Variants in EFHC1 observed in about 807,000 individuals in gnomAD.
EFHC1 encodes the protein EF-hand domain-containing protein 1.
Under a neutral mutation model 69.9 loss-of-function variants are expected in EFHC1, and 53 were observed. The observed-to-expected ratio is 0.76, with a 90% CI of 0.61 to 0.95. The LOEUF (loss-of-function observed/expected upper bound fraction) is 0.95, where lower values mean the gene tolerates loss of function less well. Among genes scored for constraint, EFHC1 ranks in the 40% least tolerant of loss-of-function variants. EFHC1 has a pLI of 0.00. For missense variants in EFHC1, 739 were observed against 798.7 expected (o/e 0.93, Z 0.90); for synonymous variants, 256 against 278.4 (o/e 0.92, Z 0.80).
chr6:52,487,499 G>A (rs1039469889), intron 9 of EFHC1: 10 of 152,196 alleles, frequency 6.6e-5, no homozygotes, highest in Non-Finnish European at 1.2e-4. Context: ...TTTTCAACAT[G>A]TCTTTGTCCA....
chr6:52,486,998 G>A (rs1441242996), intron 9 of EFHC1: 3 of 151,896 alleles, frequency 2.0e-5, no homozygotes, highest in Admixed American at 1.3e-4. Flanking sequence ...ATAATCTAGA[G>A]CAAGGGTTGG....
At chr6:52,424,755 C>T (rs1296157358) in intron 2 of EFHC1, among the ~76,000 whole-genome samples, 1 of 152,154 alleles carries the variant, frequency 6.6e-6, no homozygotes, top group African/African-American at 2.4e-5. Flanking sequence ...TCTTGTTTTT[C>T]CTTGTCAATG....
At chr6:52,486,517 T>A (rs947598740) in intron 9 of EFHC1, 4 of 152,236 alleles carry the variant, frequency 2.6e-5, no homozygotes, top group Admixed American at 2.0e-4. Flanking sequence ...AATTATCTTT[T>A]TAATCCTTTT....
At chr6:52,443,373 C>G (rs1402140295) in intron 3 of EFHC1, among the ~76,000 whole-genome samples, 3 of 152,138 alleles carry the variant, frequency 2.0e-5, no homozygotes, top group Admixed American at 2.0e-4. Flanking sequence ...ATGCCTATGT[C>G]CTGAATGGTA....
In EFHC1 at chr6:52,479,683, T is replaced by G. The variant is rs775581363; in HGVS notation, c.1536T>G (p.Val512=). ...TCATCCTTGATACAGACGAGTATGT[T>G]TTGAAATACATGGAGAGCAACGCTG... The part of the protein sequence containing the change: ...RFIILDTDEY[V]LKYMESNAAQ... Residue 512 remains valine, a synonymous_variant, in exon 9 of 11, where the codon GTT becomes GTG. Transcript: ENST00000371068. The G allele has an allele frequency of 1.2e-5, 20 of 1,614,078 alleles. No homozygotes were observed. Among genetic ancestry groups the G allele is most frequent in the Non-Finnish European group, 1.7e-5 (20 of 1,180,044 alleles).
chr6:52,449,293 A>G (rs1271725134), intron 3 of EFHC1, among the ~76,000 whole-genome samples: 1 of 151,788 alleles, frequency 6.6e-6, no homozygotes, highest in Non-Finnish European at 1.5e-5. Context: ...AGGCAGGAGA[A>G]TGGCGTGAAC....
At chr6:52,459,094 G>A (rs180778721) in intron 5 of EFHC1, among the ~76,000 whole-genome samples, 4 of 152,120 alleles carry the variant, frequency 2.6e-5, no homozygotes, top group African/African-American at 9.7e-5. Flanking sequence ...GAGGGACAAG[G>A]GTTGAAGAAC....
chr6:52,468,064 A>G (rs776633720), intron 6 of EFHC1, among the ~76,000 whole-genome samples: 11 of 152,336 alleles, frequency 7.2e-5, no homozygotes, highest in Admixed American at 3.9e-4. Flanking sequence ...AGTAAACATA[A>G]ATGCAATAGC....
At chr6:52,426,633 G>C (rs1764307380) in intron 2 of EFHC1, among the ~76,000 whole-genome samples, 1 of 152,078 alleles carries the variant, frequency 6.6e-6, no homozygotes, top group South Asian at 2.1e-4. Flanking sequence ...TGAACTGTTG[G>C]TACCTCAAGT....
At chr6:52,438,696 C>T in intron 3 of EFHC1, 105 bp downstream of exon 3, 3 of 1,255,742 alleles carry the variant, frequency 2.4e-6, no homozygotes, top group South Asian at 2.5e-5. Context: ...GGTAATCTGT[C>T]CTGCATGAAT....
chr6:52,450,626 C>A (rs1764894408), intron 3 of EFHC1, among the ~76,000 whole-genome samples: 1 of 151,840 alleles, frequency 6.6e-6, no homozygotes, highest in Non-Finnish European at 1.5e-5. Flanking sequence ...GGACTGCAAC[C>A]CCTGCTTTTT....
Position 52,438,453 on chromosome 6 carries a change from A to T in EFHC1, c.435A>T (p.Gln145His). ...TTGTAGAAAATTCTGGAATCCTTCAAGGCAAGTTAATAAAACGCCAGCGGC... is the reference window on the plus strand; with the variant it reads ...TTGTAGAAAATTCTGGAATCCTTCATGGCAAGTTAATAAAACGCCAGCGGC... Reference protein sequence around the residue: ...EPVVENSGILQGKLIKRQRLA... With the variant: ...EPVVENSGILHGKLIKRQRLA... The change falls in exon 3 of 11, where the codon CAA (glutamine) becomes CAT (histidine). Residue 145 changes from glutamine to histidine, a missense_variant. Transcript: ENST00000371068. 1 of 1,614,136 alleles carries T rather than the reference A, an allele frequency of 6.2e-7. No individual in the cohort carries two copies. Among genetic ancestry groups the T allele is most frequent in the Non-Finnish European group, 8.5e-7 (1 of 1,179,996 alleles).
Position 52,454,369 on chromosome 6 carries a change from C to G in EFHC1, c.916+82C>G. 1.9e-6 allele frequency: 3 copies of G among 1,564,568 alleles called. No individual in the cohort carries two copies. In the Admixed American group the frequency reaches 5.1e-5, roughly 27 times the overall value. ...AGTTACTTAATCAGTATGCAAAATT[C>G]GTTTATACTTGGAAGCCTCTAGCTA... On this transcript the variant is annotated intron_variant, in intron 5 of 10. Transcript: ENST00000371068.
chr6:52,482,848 A>AT, intron 9 of EFHC1: 1 of 398,598 alleles, frequency 2.5e-6, no homozygotes, highest in Admixed American at 4.4e-5. Context: ...CTGTGTCGAC[A>AT]TTCCTACAGT....
intron 2 of EFHC1, among the ~76,000 whole-genome samples, chr6:52,429,346 A>T (rs1165273186): frequency 6.6e-6 from 1 of 152,172 alleles, no homozygotes; most frequent in Admixed American, 6.5e-5. Flanking sequence ...TAAGTCCTTG[A>T]TCCATCTTGA....
intron 2 of EFHC1, among the ~76,000 whole-genome samples, chr6:52,431,294 A>G (rs1253651694): frequency 6.6e-6 from 1 of 151,788 alleles, no homozygotes; most frequent in African/African-American, 2.4e-5. Flanking sequence ...GTGGCCTTAG[A>G]TTGTCTGTTA....
chr6:52,465,189 C>A, intron 6 of EFHC1, 74 bp downstream of exon 6: 6 of 1,275,450 alleles, frequency 4.7e-6, no homozygotes, highest in Non-Finnish European at 6.7e-6. Context: ...AAAAAGACTT[C>A]TATGCAAATA....
At position 52,495,644 on chromosome 6, in the gene EFHC1, G is replaced by C; in HGVS notation, c.*3303G>C. ...TTACTCTGTTGCCAGACTGGAATGC[G>C]GTGGTGTGACCATAGCTCACTGCAG... On this transcript the variant is annotated 3_prime_UTR_variant, in exon 11 of 11. Coordinates refer to ENST00000371068, the MANE Select transcript of EFHC1 (RefSeq NM_018100.4). The C allele has an allele frequency of 4.4e-6, 2 of 451,200 alleles. No individual in the cohort carries two copies. Among genetic ancestry groups the C allele is most frequent in the South Asian group, 3.1e-5 (2 of 64,198 alleles). 27.9% of individuals were successfully genotyped at this position (451,200 alleles called of 1,614,324 possible). A position where few individuals can be genotyped will look rare whatever the true frequency, so the allele number is the denominator to read the frequency against.
At chr6:52,473,697 A>G (rs1357843880) in intron 7 of EFHC1, among the ~76,000 whole-genome samples, 2 of 152,096 alleles carry the variant, frequency 1.3e-5, no homozygotes, top group Non-Finnish European at 2.9e-5. Context: ...CAGGAGAATC[A>G]CTTGAGTCTG....
Sources: allele counts gnomAD v4.1 joint callset (sites outside exome capture counted in the v4.1 genomes callset), GRCh38; gene constraint gnomAD v4.1.1; transcripts MANE v1.5; gene names NCBI Gene and HGNC (gene_info 2026-07-23, HGNC 2026-07-21).